LASP1: variants seen among roughly 807,000 people sequenced by gnomAD.
LASP1 encodes LIM and SH3 protein 1.
A neutral mutation model predicts 38.6 loss-of-function variants in LASP1; 10 were observed. That is an observed-to-expected ratio of 0.26 (90% CI 0.16 to 0.44). The LOEUF is 0.44. LASP1 is among the 20% of genes least tolerant of loss of function. The probability of loss-of-function intolerance (pLI) is 1.00; values close to 1 mark genes in which losing one functional copy is unlikely to be tolerated. For synonymous variants in LASP1, 132 were observed against 140.8 expected (o/e 0.94, Z 0.44); for missense variants, 243 against 375.7 (o/e 0.65, Z 2.92).
At chr17:38,876,343 CTATTTATT>C (rs374232262) in intron 1 of LASP1, among the ~76,000 whole-genome samples, 168 of 148,602 alleles carry the variant, frequency 1.1e-3, no homozygotes, top group African/African-American at 3.8e-3. Context: ...CATACCCGGC[CTATTTATT>C]TATTTATTTA....
Position 38,920,210 on chromosome 17 carries a change from A to C in LASP1, c.*1432A>C. The C allele has an allele frequency of 2.0e-6, 1 of 492,238 alleles. No individual in the cohort carries two copies. The allele number at this position is 492,238 out of a possible 1,614,324, so 30.5% of individuals were successfully genotyped here. A position where few individuals can be genotyped will look rare whatever the true frequency, so the allele number is the denominator to read the frequency against. On this transcript the variant is annotated 3_prime_UTR_variant, in exon 7 of 7. Coordinates refer to ENST00000318008, the MANE Select transcript of LASP1 (RefSeq NM_006148.4). Reference sequence around the variant, plus strand: ...GGAGGAAGGCTCTGTCACTCCAGGCATATGTTTCCCCATCTCTGTCTGGGG... The same window carrying C: ...GGAGGAAGGCTCTGTCACTCCAGGCCTATGTTTCCCCATCTCTGTCTGGGG...
intron 1 of LASP1, among the ~76,000 whole-genome samples, chr17:38,877,435 G>T (rs1913813926): frequency 6.6e-6 from 1 of 152,142 alleles, no homozygotes; most frequent in East Asian, 1.9e-4. Context: ...GGTGGGAGAG[G>T]ATGAGGGAAG....
At chr17:38,900,450 G>A (rs1178697151) in intron 4 of LASP1, among the ~76,000 whole-genome samples, 6 of 151,362 alleles carry the variant, frequency 4.0e-5, no homozygotes, top group Non-Finnish European at 8.8e-5. Context: ...TGAGGTGGGC[G>A]GATCATGAGG....
chr17:38,879,161 C>CTT (rs55952948), intron 2 of LASP1, among the ~76,000 whole-genome samples: 12,704 of 123,380 alleles, frequency 0.1, 1,303 homozygotes, highest in East Asian at 0.41. Flanking sequence ...TTTTAATTTG[C>CTT]TTTTTTTTTT....
At position 38,878,238 on chromosome 17, in the gene LASP1, G is replaced by A. The variant is rs949851624; in HGVS notation, c.164+58G>A. 11 of 1,142,514 alleles carry A rather than the reference G, an allele frequency of 9.6e-6. No homozygotes were observed. In the South Asian group the frequency reaches 1.4e-4, roughly 15 times the overall value. 70.8% of individuals were successfully genotyped at this position (1,142,514 alleles called of 1,614,324 possible). Reference sequence around the variant, plus strand: ...GCACCTTGGCTCCCTCCCCGAGTGAGTTCTTCCTTTCCTTCCAATAACCGC... The same window carrying A: ...GCACCTTGGCTCCCTCCCCGAGTGAATTCTTCCTTTCCTTCCAATAACCGC... On this transcript the variant is annotated intron_variant, in intron 2 of 6. Transcript: ENST00000318008.
At chr17:38,898,964 T>G (rs969824541) in intron 4 of LASP1, 10 of 355,596 alleles carry the variant, frequency 2.8e-5, no homozygotes, top group Non-Finnish European at 5.6e-5. Context: ...CAGCCTGCTC[T>G]TCCTTCCTGT....
At chr17:38,893,164 G>A (rs956835412) in intron 3 of LASP1, among the ~76,000 whole-genome samples, 1 of 152,266 alleles carries the variant, frequency 6.6e-6, no homozygotes, top group Non-Finnish European at 1.5e-5. Context: ...CCCAGGGACA[G>A]GGGCAGACAT....
At chr17:38,916,808 C>T (rs1915143805) in intron 6 of LASP1, 3 of 151,544 alleles carry the variant, frequency 2.0e-5, no homozygotes, top group Admixed American at 1.3e-4. Context: ...TTGCAGTGAG[C>T]CGAGATCACG....
intron 3 of LASP1, among the ~76,000 whole-genome samples, chr17:38,890,963 C>T (rs1914301047): frequency 6.6e-6 from 1 of 152,190 alleles, no homozygotes; most frequent in Non-Finnish European, 1.5e-5. Flanking sequence ...CATGGGGGCA[C>T]AGGATAGGGG....
intron 3 of LASP1, among the ~76,000 whole-genome samples, chr17:38,897,384 C>T (rs796176388): frequency 6.0e-4 from 91 of 152,320 alleles, no homozygotes; most frequent in African/African-American, 2.2e-3. Flanking sequence ...CCTGGGCTGA[C>T]CTGTGTCCAG....
chr17:38,914,142 T>C (rs1460796097), intron 4 of LASP1, among the ~76,000 whole-genome samples, 183 bp from the exon 5 acceptor site: 1 of 152,170 alleles, frequency 6.6e-6, no homozygotes. Context: ...AGGTGAAAAC[T>C]GAGGCTTGGC....
At chr17:38,900,982 A>G (rs3785465) in intron 4 of LASP1, among the ~76,000 whole-genome samples, 64,908 of 152,104 alleles carry the variant, frequency 0.43, 14,219 homozygotes, top group Middle Eastern at 0.55. Context: ...GGGAGGGGGA[A>G]GATGGTCTTA....
intron 4 of LASP1, among the ~76,000 whole-genome samples, chr17:38,913,768 G>A (rs1174654756): frequency 3.9e-5 from 6 of 152,156 alleles, no homozygotes; most frequent in African/African-American, 7.2e-5. Flanking sequence ...TTGGGAGGCC[G>A]AGGCGGGTGG....
At chr17:38,886,948 T>A (rs1348654092) in intron 2 of LASP1, among the ~76,000 whole-genome samples, 1 of 152,198 alleles carries the variant, frequency 6.6e-6, no homozygotes, top group Non-Finnish European at 1.5e-5. Context: ...TAGCTCAGGC[T>A]GGTCTCAAAC....
intron 2 of LASP1, among the ~76,000 whole-genome samples, chr17:38,880,379 G>A (rs1465456374): frequency 6.6e-6 from 1 of 152,294 alleles, no homozygotes; most frequent in Admixed American, 6.5e-5. Context: ...TTGGGTGGAG[G>A]GCTCCTGCAG....
At chr17:38,873,645 C>T (rs192245942) in intron 1 of LASP1, among the ~76,000 whole-genome samples, 36 of 152,290 alleles carry the variant, frequency 2.4e-4, no homozygotes, top group Non-Finnish European at 4.4e-4. Flanking sequence ...TGTATGGGGG[C>T]GTGGGGCCAC....
At chr17:38,911,787 C>CT (rs35715232) in intron 4 of LASP1, among the ~76,000 whole-genome samples, 49,073 of 149,704 alleles carry the variant, frequency 0.33, 8,156 homozygotes, top group Middle Eastern at 0.51. Flanking sequence ...TATGACTTGT[C>CT]TTTTTTTTTT....
Position 38,914,462 on chromosome 17 carries a change from G to A in LASP1, c.495G>A (p.Pro165=), listed in dbSNP as rs372974308. The change falls in exon 5 of 7, where the codon CCG becomes CCA. Residue 165 remains proline (P), a synonymous_variant. Transcript: ENST00000318008. ...AGCAGCAGCAGCCTCACCACATCCCGACCAGTGCCCCGGGTGAGTGCAGGT... is the reference window on the plus strand; with the variant it reads ...AGCAGCAGCAGCCTCACCACATCCCAACCAGTGCCCCGGGTGAGTGCAGGT... ...PLEQQQPHHI[P]TSAPVYQQPQ... is the part of the protein sequence containing the mutation. The A allele has an allele frequency of 6.1e-5, 98 of 1,606,460 alleles. 2 individuals carry two copies. In the Admixed American group the frequency reaches 1.1e-3, roughly 18 times the overall value.
chr17:38,883,948 C>T (rs1914030026), intron 2 of LASP1, among the ~76,000 whole-genome samples: 1 of 151,756 alleles, frequency 6.6e-6, no homozygotes, highest in South Asian at 2.1e-4. Context: ...GCCCTCCCTT[C>T]CCGCCTGTGG....
Sources: allele counts gnomAD v4.1 joint callset (sites outside exome capture counted in the v4.1 genomes callset), GRCh38; gene constraint gnomAD v4.1.1; transcripts MANE v1.5; gene names NCBI Gene and HGNC (gene_info 2026-07-23, HGNC 2026-07-21).